Variants in B3GALT1 observed in about 807,000 individuals in gnomAD.
B3GALT1 encodes beta-1,3-galactosyltransferase 1.
Under a neutral mutation model 23.2 loss-of-function variants are expected in B3GALT1, and 10 were observed. That is an observed-to-expected ratio of 0.43 (90% CI 0.27 to 0.73). The LOEUF (loss-of-function observed/expected upper bound fraction) is 0.73. Among genes scored for constraint, B3GALT1 ranks in the 30% least tolerant of loss-of-function variants. The pLI is 0.21. For missense variants in B3GALT1, 299 were observed against 405.4 expected (o/e 0.74, Z 2.25); for synonymous variants, 156 against 141.5 (o/e 1.10, Z -0.73).
chr2:167,387,638 AT>A (rs1697948856), intron 1 of B3GALT1, among the ~76,000 whole-genome samples: 1 of 152,240 alleles, frequency 6.6e-6, no homozygotes, highest in Non-Finnish European at 1.5e-5. Context: ...TAATGAATCA[AT>A]TTGTTACTTG....
chr2:167,776,645 G>A lies in B3GALT1; in HGVS notation c.-351-42027G>A, dbSNP rs865970349. ...CTTCTGTGTATCTGACACACTGTTT[G>A]GCAAACATGTCATAAGAATTTACTT... On this transcript the variant is annotated intron_variant, in intron 3 of 4. Transcript: ENST00000392690. 3.9e-5 allele frequency among the ~76,000 whole-genome samples: 6 copies of A among 152,152 alleles called. No individual in the cohort carries two copies. The South Asian group carries it at 1.2e-3, about 32-fold the overall frequency.
intron 3 of B3GALT1, among the ~76,000 whole-genome samples, chr2:167,792,062 T>C (rs1235535699): frequency 6.7e-6 from 1 of 148,968 alleles, no homozygotes; most frequent in East Asian, 2.0e-4. Flanking sequence ...CCAAAACAAG[T>C]GCAAATCTAA....
At chr2:167,545,767 A>G (rs1425903797) in intron 2 of B3GALT1, among the ~76,000 whole-genome samples, 2 of 152,160 alleles carry the variant, frequency 1.3e-5, no homozygotes, top group Admixed American at 6.5e-5. Flanking sequence ...ACACAACTCA[A>G]AAAGTTCTAT....
intron 2 of B3GALT1, chr2:167,558,142 T>C (rs1391455901): frequency 6.6e-6 from 1 of 152,210 alleles, no homozygotes; most frequent in Non-Finnish European, 1.5e-5. Context: ...TGAAGGAGAA[T>C]GAAGACAGTG....
At chr2:167,702,901 C>T (rs1315713999) in intron 3 of B3GALT1, among the ~76,000 whole-genome samples, 3 of 152,206 alleles carry the variant, frequency 2.0e-5, no homozygotes, top group African/African-American at 4.8e-5. Flanking sequence ...TAAACTTCAG[C>T]TTTAAGCATC....
intron 1 of B3GALT1, among the ~76,000 whole-genome samples, chr2:167,422,600 A>C (rs1396136926): frequency 6.6e-6 from 1 of 152,116 alleles, no homozygotes; most frequent in African/African-American, 2.4e-5. Context: ...AGAAACCATG[A>C]GTGTACTTGA....
intron 3 of B3GALT1, among the ~76,000 whole-genome samples, chr2:167,815,712 C>T (rs917565096): frequency 1.3e-5 from 2 of 152,018 alleles, no homozygotes; most frequent in East Asian, 1.9e-4. Context: ...CCACATGAAG[C>T]GAAAAAGAAG....
At chr2:167,391,036 C>A (rs879413612) in intron 1 of B3GALT1, among the ~76,000 whole-genome samples, 9 of 152,142 alleles carry the variant, frequency 5.9e-5, no homozygotes, top group Non-Finnish European at 1.3e-4. Flanking sequence ...TTTAAGATTT[C>A]TCACCTCTGC....
intron 3 of B3GALT1, among the ~76,000 whole-genome samples, chr2:167,759,215 A>T (rs1248412502): frequency 6.6e-6 from 1 of 152,218 alleles, no homozygotes; most frequent in African/African-American, 2.4e-5. Context: ...GACCAGCAGC[A>T]TATGACTGTG....
intron 1 of B3GALT1, among the ~76,000 whole-genome samples, chr2:167,406,955 A>G (rs1436838683): frequency 6.6e-6 from 1 of 152,212 alleles, no homozygotes; most frequent in African/African-American, 2.4e-5. Context: ...TGAAAAGGAA[A>G]ACATTGGAGT....
chr2:167,318,353 TA>T (rs1190787445), intron 1 of B3GALT1, among the ~76,000 whole-genome samples: 2 of 151,816 alleles, frequency 1.3e-5, no homozygotes, highest in Admixed American at 1.3e-4. Flanking sequence ...TTAAGCAAAA[TA>T]AAATACTACT....
At chr2:167,390,281 G>A (rs539823089) in intron 1 of B3GALT1, among the ~76,000 whole-genome samples, 2 of 152,266 alleles carry the variant, frequency 1.3e-5, no homozygotes, top group South Asian at 2.1e-4. Flanking sequence ...GTGGATGATC[G>A]TGATCTTGTC....
At chr2:167,344,521 T>A (rs979970136) in intron 1 of B3GALT1, among the ~76,000 whole-genome samples, 2 of 152,062 alleles carry the variant, frequency 1.3e-5, no homozygotes, top group Non-Finnish European at 2.9e-5. Context: ...TTCTTGGGAA[T>A]GTTAATCTAT....
At chr2:167,529,843 A>G (rs948398966) in intron 2 of B3GALT1, among the ~76,000 whole-genome samples, 1 of 151,866 alleles carries the variant, frequency 6.6e-6, no homozygotes, top group African/African-American at 2.4e-5. Context: ...AGTCTCTTAT[A>G]TCATCTCCCT....
At chr2:167,860,219 C>T (rs1690071862) in intron 4 of B3GALT1, among the ~76,000 whole-genome samples, 2 of 152,304 alleles carry the variant, frequency 1.3e-5, no homozygotes, top group South Asian at 2.1e-4. Flanking sequence ...TGATTTCACT[C>T]ATATGCCATC....
chr2:167,511,190 TTAAG>T (rs1367095590), intron 2 of B3GALT1, among the ~76,000 whole-genome samples: 1 of 152,192 alleles, frequency 6.6e-6, no homozygotes, highest in African/African-American at 2.4e-5. Context: ...CATTCATCCA[TTAAG>T]TAATTAAAAC....
intron 1 of B3GALT1, among the ~76,000 whole-genome samples, chr2:167,372,943 A>G (rs1697708313): frequency 6.6e-6 from 1 of 151,974 alleles, no homozygotes; most frequent in African/African-American, 2.4e-5. Context: ...CATAACCCTA[A>G]AAGACTTTGT....
chr2:167,614,117 C>T (rs1415017103), intron 2 of B3GALT1, among the ~76,000 whole-genome samples: 1 of 151,534 alleles, frequency 6.6e-6, no homozygotes, highest in Non-Finnish European at 1.5e-5. Flanking sequence ...AACAAAATTA[C>T]TATTATTTGT....
intron 3 of B3GALT1, among the ~76,000 whole-genome samples, chr2:167,771,635 A>G (rs1207911686): frequency 6.6e-6 from 1 of 152,266 alleles, no homozygotes; most frequent in East Asian, 1.9e-4. Context: ...ACTGAAAACT[A>G]TCATATCATG....
Sources: allele counts gnomAD v4.1 joint callset (sites outside exome capture counted in the v4.1 genomes callset), GRCh38; gene constraint gnomAD v4.1.1; transcripts MANE v1.5; gene names NCBI Gene and HGNC (gene_info 2026-07-23, HGNC 2026-07-21).